Variants in WDSUB1 observed in about 807,000 individuals in gnomAD.
WDSUB1 encodes WD repeat, SAM and U-box domain-containing protein 1.
In WDSUB1, 49 loss-of-function variants were observed where a neutral mutation model predicts 53.9. That is an observed-to-expected ratio of 0.91 (90% CI 0.72 to 1.15). The LOEUF is 1.15. WDSUB1 is among the 50% of genes most tolerant of loss of function. The pLI is 0.00. For synonymous variants in WDSUB1, 194 were observed against 200.6 expected, an observed-to-expected ratio of 0.97 and a Z score of 0.28; for missense variants, 514 against 562.0, an observed-to-expected ratio of 0.91 and a Z score of 0.86.
chr2:159,278,167 G>C (rs939142910), intron 3 of WDSUB1, among the ~76,000 whole-genome samples: 1 of 152,142 alleles, frequency 6.6e-6, no homozygotes, highest in African/African-American at 2.4e-5. Context: ...GTGCCTACAA[G>C]ATGTAGAGAA....
At chr2:159,275,172 C>T (rs1000316824) in intron 4 of WDSUB1, among the ~76,000 whole-genome samples, 2 of 152,136 alleles carry the variant, frequency 1.3e-5, no homozygotes, top group African/African-American at 4.8e-5. Flanking sequence ...GAAAGGGTCA[C>T]CTGATGGAAT....
intron 5 of WDSUB1, among the ~76,000 whole-genome samples, chr2:159,265,902 G>A (rs773346905): frequency 4.6e-5 from 7 of 152,154 alleles, no homozygotes; most frequent in African/African-American, 9.7e-5. Context: ...GACCTGTAAC[G>A]CCATCACAGC....
chr2:159,265,293 CCACACA>C lies in WDSUB1; in HGVS notation c.771-5456_771-5451del, dbSNP rs75210001. Among the ~76,000 whole-genome samples the C allele has an allele frequency of 4.3e-4, 64 of 149,352 alleles. 3 individuals are homozygous for C. The East Asian group carries it at 7.0e-3, about 16-fold the overall frequency. On this transcript the variant is annotated intron_variant, in intron 5 of 10. Coordinates refer to ENST00000359774, the MANE Select transcript of WDSUB1 (RefSeq NM_001128212.3). ...CTTATCTCTAAAGCAAGCACACACACCACACACACACACACACACACACACTCACTC... is the reference window on the plus strand; with the variant it reads ...CTTATCTCTAAAGCAAGCACACACACCACACACACACACACACACTCACTC...
rs752191885 is a variant in WDSUB1, at chr2:159,282,852, G to T, written c.218C>A (p.Ser73Ter). Reference sequence around the variant, plus strand: ...CCATAGGACAGTGGTACCATCTGTTGAACACGATGCCAAAATATGTCCTGA... The same window carrying T: ...CCATAGGACAGTGGTACCATCTGTTTAACACGATGCCAAAATATGTCCTGA... ...SPSGHILASC[S>*]TDGTTVLWNT... The change falls in exon 2 of 11, where the codon TCA becomes TAA. Residue 73 changes from serine (S) to a stop codon, truncating the protein, a stop_gained. Transcript: ENST00000359774. LOFTEE classifies it high-confidence loss of function. The T allele has an allele frequency of 3.1e-6, 5 of 1,614,154 alleles. No individual in the cohort carries two copies. Among genetic ancestry groups the T allele is most frequent in the Non-Finnish European group, 4.2e-6 (5 of 1,180,028 alleles).
chr2:159,261,880 ATATATATATATATATATTTTT>A (rs2061216317), intron 5 of WDSUB1, among the ~76,000 whole-genome samples: 1 of 19,066 alleles, frequency 5.2e-5, no homozygotes, highest in African/African-American at 3.4e-4. Context: ...ATATATATAT[ATATATATATATATATATTTTT>A]TTTTTTTTTT....
intron 9 of WDSUB1, among the ~76,000 whole-genome samples, chr2:159,253,228 A>C (rs998904376): frequency 6.6e-6 from 1 of 152,250 alleles, no homozygotes; most frequent in African/African-American, 2.4e-5. Flanking sequence ...AATTCATAGC[A>C]AATGTCTTAA....
intron 5 of WDSUB1, among the ~76,000 whole-genome samples, chr2:159,261,508 C>T (rs2061187273): frequency 6.6e-6 from 1 of 152,158 alleles, no homozygotes; most frequent in Non-Finnish European, 1.5e-5. Context: ...ACATAATTTA[C>T]AGACACTTTT....
At chr2:159,282,083 A>G (rs932161024) in intron 2 of WDSUB1, among the ~76,000 whole-genome samples, 1 of 152,168 alleles carries the variant, frequency 6.6e-6, no homozygotes, top group Non-Finnish European at 1.5e-5. Flanking sequence ...AAAAACCATA[A>G]AAGTCTAACA....
intron 10 of WDSUB1, among the ~76,000 whole-genome samples, chr2:159,240,104 T>C (rs1451064256): frequency 6.6e-6 from 1 of 152,228 alleles, no homozygotes; most frequent in East Asian, 1.9e-4. Flanking sequence ...TTTGTCTCTA[T>C]GGATTTGCCT....
At chr2:159,242,390 G>T (rs2151046819) in intron 10 of WDSUB1, among the ~76,000 whole-genome samples, 1 of 146,592 alleles carries the variant, frequency 6.8e-6, no homozygotes, top group East Asian at 2.2e-4. Flanking sequence ...CATCAGGCTG[G>T]GTGAGGTGGC....
intron 4 of WDSUB1, among the ~76,000 whole-genome samples, chr2:159,274,468 C>A (rs895547797): frequency 1.3e-5 from 2 of 152,164 alleles, no homozygotes; most frequent in Non-Finnish European, 2.9e-5. Flanking sequence ...CAGACATAGA[C>A]CTGAAAAGAG....
At chr2:159,248,301 G>C in intron 10 of WDSUB1, 71 bp downstream of exon 10, 8 of 1,549,938 alleles carry the variant, frequency 5.2e-6, no homozygotes, top group Non-Finnish European at 6.9e-6. Context: ...GCAAACTTCT[G>C]AGAACTGTCT....
chr2:159,273,425 T>C (rs2061480581), intron 4 of WDSUB1, among the ~76,000 whole-genome samples: 1 of 152,176 alleles, frequency 6.6e-6, no homozygotes, highest in Non-Finnish European at 1.5e-5. Flanking sequence ...GATTTTATTT[T>C]TATTATTTTT....
At chr2:159,254,554 C>G (rs10166681) in intron 9 of WDSUB1, among the ~76,000 whole-genome samples, 15,598 of 151,768 alleles carry the variant, frequency 0.1, 1,037 homozygotes, top group South Asian at 0.17. Context: ...GAGGGAGACC[C>G]TGTCTCAAAC....
At chr2:159,265,013 G>A (rs1413762152) in intron 5 of WDSUB1, among the ~76,000 whole-genome samples, 1 of 151,442 alleles carries the variant, frequency 6.6e-6, no homozygotes, top group Non-Finnish European at 1.5e-5. Flanking sequence ...GAACCTGGAA[G>A]GCAGAGGTTG....
At chr2:159,242,870 T>TACAA (rs553497685) in intron 10 of WDSUB1, among the ~76,000 whole-genome samples, 4 of 147,704 alleles carry the variant, frequency 2.7e-5, no homozygotes, top group Non-Finnish European at 4.4e-5. Flanking sequence ...AATGCTGAAA[T>TACAA]ACAAACAGGT....
chr2:159,253,486 G>A (rs921417433), intron 9 of WDSUB1, among the ~76,000 whole-genome samples: 7 of 152,154 alleles, frequency 4.6e-5, no homozygotes, highest in African/African-American at 1.2e-4. Context: ...ATTGAAAAAA[G>A]ATTTGATAAA....
chr2:159,247,558 A>C lies in WDSUB1; in HGVS notation c.1273+814T>G, dbSNP rs575051786. Among the ~76,000 whole-genome samples, 286 of 152,190 alleles carry C rather than the reference A, an allele frequency of 1.9e-3. 1 individual carries two copies. The highest frequency in any genetic ancestry group is 3.8e-3 in the Non-Finnish European group (258 of 67,990). ...ACTCTAAACTGTTTTTTTTTCCTAG[A>C]AAATAACACATCTAACGAAATGTGT... On this transcript the variant is annotated intron_variant, in intron 10 of 10. Coordinates refer to ENST00000359774, the MANE Select transcript of WDSUB1 (RefSeq NM_001128212.3).
At chr2:159,253,606 G>A (rs1459788520) in intron 9 of WDSUB1, among the ~76,000 whole-genome samples, 3 of 152,136 alleles carry the variant, frequency 2.0e-5, no homozygotes, top group African/African-American at 4.8e-5. Flanking sequence ...TCCTCCATTT[G>A]CTGAATGTTA....
Sources: gnomAD v4.1 joint callset for allele counts (sites outside exome capture counted in the v4.1 genomes callset) on GRCh38, gnomAD v4.1.1 for gene constraint, MANE v1.5 for transcripts, NCBI Gene and HGNC (gene_info 2026-07-23, HGNC 2026-07-21) for gene names.